ZBTB20: variants seen among roughly 807,000 people sequenced by gnomAD.
The protein encoded by ZBTB20 is zinc finger and BTB domain containing 20.
In ZBTB20, 9 loss-of-function variants were observed where a neutral mutation model predicts 56.9. That is an observed-to-expected ratio of 0.16 (90% CI 0.10 to 0.28). The LOEUF (loss-of-function observed/expected upper bound fraction) is 0.28. ZBTB20 is among the 10% of genes least tolerant of loss of function. The probability of loss-of-function intolerance (pLI) is 1.00; values close to 1 mark genes in which losing one functional copy is unlikely to be tolerated. For missense variants in ZBTB20, 655 were observed against 1,003.0 expected, an observed-to-expected ratio of 0.65 and a Z score of 4.69; for synonymous variants, 417 against 420.7, an observed-to-expected ratio of 0.99 and a Z score of 0.11.
intron 1 of ZBTB20, among the ~76,000 whole-genome samples, chr3:115,108,738 T>A (rs1409600556): frequency 2.6e-5 from 4 of 152,176 alleles, no homozygotes; most frequent in African/African-American, 7.2e-5. Flanking sequence ...CCGGAGTTCC[T>A]CGGAGTGACC....
intron 6 of ZBTB20, among the ~76,000 whole-genome samples, chr3:114,626,894 A>G (rs2058683804): frequency 6.6e-6 from 1 of 152,172 alleles, no homozygotes; most frequent in African/African-American, 2.4e-5. Context: ...CTGGCTGATG[A>G]ATGCTGACAC....
At chr3:114,434,820 G>A (rs906171925) in intron 7 of ZBTB20, among the ~76,000 whole-genome samples, 4 of 152,092 alleles carry the variant, frequency 2.6e-5, no homozygotes, top group Admixed American at 6.6e-5. Flanking sequence ...TGTGAAAACC[G>A]AGATTCAGGC....
chr3:114,855,864 G>A (rs1440609555), intron 4 of ZBTB20, among the ~76,000 whole-genome samples: 1 of 152,130 alleles, frequency 6.6e-6, no homozygotes, highest in Non-Finnish European at 1.5e-5. Context: ...AATAACTAAT[G>A]TTTAGTCAGT....
At chr3:114,765,194 T>C (rs538880140) in intron 5 of ZBTB20, among the ~76,000 whole-genome samples, 1 of 152,280 alleles carries the variant, frequency 6.6e-6, no homozygotes, top group Admixed American at 6.5e-5. Flanking sequence ...AAAAATAGTG[T>C]TCATAATTAT....
intron 5 of ZBTB20, among the ~76,000 whole-genome samples, chr3:114,793,211 G>A (rs1472578206): frequency 6.6e-6 from 1 of 151,966 alleles, no homozygotes; most frequent in Non-Finnish European, 1.5e-5. Context: ...GCAGCAATAA[G>A]GCTGAGTACC....
intron 1 of ZBTB20, among the ~76,000 whole-genome samples, chr3:115,145,377 C>T (rs1216192193): frequency 6.6e-6 from 1 of 152,108 alleles, no homozygotes; most frequent in African/African-American, 2.4e-5. Context: ...GTTCTGGGAC[C>T]TCTCTAGGAA....
chr3:115,122,641 C>T (rs1290298872), intron 1 of ZBTB20, among the ~76,000 whole-genome samples: 1 of 152,068 alleles, frequency 6.6e-6, no homozygotes, highest in Non-Finnish European at 1.5e-5. Context: ...CTAAGCTCTG[C>T]CTTCCCATTG....
intron 6 of ZBTB20, among the ~76,000 whole-genome samples, chr3:114,501,870 A>G (rs1007364123): frequency 2.0e-5 from 3 of 151,358 alleles, no homozygotes; most frequent in African/African-American, 7.3e-5. Context: ...CACCACACCC[A>G]GCTAATTTTT....
intron 6 of ZBTB20, among the ~76,000 whole-genome samples, chr3:114,670,361 G>A (rs1359193303): frequency 6.6e-6 from 1 of 152,002 alleles, no homozygotes; most frequent in African/African-American, 2.4e-5. Context: ...TGGAATAACT[G>A]GATTAGCCTC....
At chr3:114,819,068 T>A (rs2073101278) in intron 4 of ZBTB20, among the ~76,000 whole-genome samples, 1 of 151,912 alleles carries the variant, frequency 6.6e-6, no homozygotes, top group African/African-American at 2.4e-5. Context: ...AAGTTGAGGA[T>A]CATGTGGATT....
intron 7 of ZBTB20, among the ~76,000 whole-genome samples, chr3:114,485,401 A>G (rs1346794648): frequency 6.6e-6 from 1 of 152,136 alleles, no homozygotes; most frequent in Non-Finnish European, 1.5e-5. Flanking sequence ...TTTTACTTGC[A>G]TGCTTTCCTG....
chr3:115,004,308 G>A (rs1253387628), intron 2 of ZBTB20, among the ~76,000 whole-genome samples: 1 of 151,708 alleles, frequency 6.6e-6, no homozygotes, highest in Non-Finnish European at 1.5e-5. Flanking sequence ...CACTGCTATG[G>A]TCTAAAATGA....
intron 7 of ZBTB20, among the ~76,000 whole-genome samples, chr3:114,425,510 T>C (rs2089569022): frequency 6.6e-6 from 1 of 152,198 alleles, no homozygotes; most frequent in African/African-American, 2.4e-5. Context: ...CAAAATGATT[T>C]CTTTCTATGT....
chr3:114,375,503 G>C (rs1284357465), intron 10 of ZBTB20, among the ~76,000 whole-genome samples: 3 of 152,180 alleles, frequency 2.0e-5, no homozygotes, highest in African/African-American at 7.2e-5. Flanking sequence ...AGTTGTTATA[G>C]AGTAAAATAA....
At chr3:114,742,030 T>C (rs755916932) in intron 5 of ZBTB20, among the ~76,000 whole-genome samples, 8 of 152,124 alleles carry the variant, frequency 5.3e-5, no homozygotes, top group Non-Finnish European at 7.3e-5. Context: ...ACTGAACTCT[T>C]AGAGTGAGTG....
intron 5 of ZBTB20, among the ~76,000 whole-genome samples, chr3:114,765,793 G>C (rs1397306159): frequency 6.6e-6 from 1 of 152,160 alleles, no homozygotes; most frequent in African/African-American, 2.4e-5. Flanking sequence ...TTCAGTGTTT[G>C]AGTGGCACAA....
intron 6 of ZBTB20, among the ~76,000 whole-genome samples, chr3:114,656,170 T>A (rs2060396726): frequency 6.6e-6 from 1 of 152,030 alleles, no homozygotes. Flanking sequence ...ATTATTCCCC[T>A]GTAGGTGATC....
At chr3:114,975,581 C>T (rs1404493642) in intron 2 of ZBTB20, among the ~76,000 whole-genome samples, 1 of 152,138 alleles carries the variant, frequency 6.6e-6, no homozygotes, top group East Asian at 1.9e-4. Flanking sequence ...GAAAAGGAAT[C>T]TGACACTCCT....
intron 2 of ZBTB20, among the ~76,000 whole-genome samples, chr3:115,047,050 T>A (rs1418676456): frequency 6.6e-6 from 1 of 152,220 alleles, no homozygotes; most frequent in Non-Finnish European, 1.5e-5. Context: ...TCCAACAATT[T>A]GGTATGATAA....
Sources: allele counts gnomAD v4.1 joint callset (sites outside exome capture counted in the v4.1 genomes callset), GRCh38; gene constraint gnomAD v4.1.1; transcripts MANE v1.5; gene names NCBI Gene and HGNC (gene_info 2026-07-23, HGNC 2026-07-21).